Variants in SOS2 observed in about 807,000 individuals in gnomAD.
SOS2 encodes the protein SOS Ras/Rho guanine nucleotide exchange factor 2, also known as son of sevenless homolog 2.
A neutral mutation model predicts 148.2 loss-of-function variants in SOS2; 65 were observed. That is an observed-to-expected ratio of 0.44 (90% CI 0.36 to 0.54). SOS2 has a LOEUF of 0.54. Among genes scored for constraint, SOS2 ranks in the 20% least tolerant of loss-of-function variants. The pLI, the probability that SOS2 is intolerant of heterozygous loss-of-function variation, is 0.00. For synonymous variants in SOS2, 539 were observed against 537.1 expected, an observed-to-expected ratio of 1.00 and a Z score of -0.05; for missense variants, 1,341 against 1,590.2, an observed-to-expected ratio of 0.84 and a Z score of 2.67.
At position 50,118,136 on chromosome 14, in the gene SOS2, CAA is replaced by C; in HGVS notation, c.*206_*207del. The C allele has an allele frequency of 1.9e-6, 1 of 528,632 alleles. No individual in the cohort carries two copies. The highest frequency in any genetic ancestry group is 2.8e-5 in the South Asian group (1 of 35,682). 32.7% of individuals were successfully genotyped at this position (528,632 alleles called of 1,614,324 possible). A position where few individuals can be genotyped will look rare whatever the true frequency, so the allele number is the denominator to read the frequency against. On this transcript the variant is annotated 3_prime_UTR_variant, in exon 23 of 23. Transcript: ENST00000216373. ...TTTTGGCAGCACTGAGGATCCAAGA[CAA>C]GGCAATGCTACTGATCACCTGAGGA...
chr14:50,178,647 A>AGG (rs2139692186), intron 7 of SOS2, among the ~76,000 whole-genome samples: 2 of 89,240 alleles, frequency 2.2e-5, no homozygotes, highest in South Asian at 8.5e-4. Context: ...CATGCCCGCT[A>AGG]GTGTGTGTGT....
intron 4 of SOS2, among the ~76,000 whole-genome samples, chr14:50,191,801 G>C (rs1886148868): frequency 6.6e-6 from 1 of 152,062 alleles, no homozygotes; most frequent in African/African-American, 2.4e-5. Flanking sequence ...TGAAAAGTCT[G>C]GGATTTACAT....
intron 8 of SOS2, among the ~76,000 whole-genome samples, chr14:50,173,256 C>T (rs978590026): frequency 2.6e-5 from 4 of 152,004 alleles, no homozygotes; most frequent in African/African-American, 9.7e-5. Flanking sequence ...TCCGTCTAAT[C>T]CATGGTAGTA....
At chr14:50,210,111 G>A (rs1003829999) in intron 1 of SOS2, among the ~76,000 whole-genome samples, 58 of 152,254 alleles carry the variant, frequency 3.8e-4, no homozygotes, top group African/African-American at 1.4e-3. Context: ...TGTCTGTAAG[G>A]AAGTACAAGG....
rs183471262 is a variant in SOS2 at position 50,203,798 on chromosome 14, T to G, written c.213+486A>C. On this transcript the variant is annotated intron_variant, in intron 2 of 22. Transcript: ENST00000216373. The stretch of plus-strand genomic sequence containing the variant: ...CAACTGACATAGAGAACATTTTTTT[T>G]TTGTTTTTTTTTTTTGAGACGGTCT... Among the ~76,000 whole-genome samples, 288 of 151,890 alleles carry G rather than the reference T, an allele frequency of 1.9e-3. 1 individual carries two copies. Among genetic ancestry groups the G allele is most frequent in the African/African-American group, 6.2e-3 (255 of 41,432 alleles).
At chr14:50,207,140 AT>A (rs1307344849) in intron 1 of SOS2, among the ~76,000 whole-genome samples, 1 of 152,286 alleles carries the variant, frequency 6.6e-6, no homozygotes, top group South Asian at 2.1e-4. Flanking sequence ...CATTTAGAAA[AT>A]TTTTTTTAAA....
chr14:50,147,544 C>T (rs1390457352), intron 14 of SOS2, among the ~76,000 whole-genome samples: 1 of 135,722 alleles, frequency 7.4e-6, no homozygotes, highest in Non-Finnish European at 1.6e-5. Context: ...AAGTGTACAA[C>T]AATGCTATAC....
intron 1 of SOS2, among the ~76,000 whole-genome samples, chr14:50,223,145 G>A (rs1259394149): frequency 6.6e-6 from 1 of 152,332 alleles, no homozygotes; most frequent in East Asian, 1.9e-4. Flanking sequence ...GAAGGATGGA[G>A]TAGCCATTTA....
intron 1 of SOS2, among the ~76,000 whole-genome samples, chr14:50,207,446 G>C (rs1886697613): frequency 6.6e-6 from 1 of 152,056 alleles, no homozygotes; most frequent in African/African-American, 2.4e-5. Context: ...AGAAGGTCAA[G>C]GCTACAGTGA....
In SOS2 at chr14:50,134,156, A is replaced by T. The variant is rs1447097552; in HGVS notation, c.3042T>A (p.Ile1014=). ...TDYLFNKSLE[I]EPRNCKQPPR... Reference sequence around the variant, plus strand: ...GTGGCTGTTTGCAGTTTCGAGGTTCAATTTCTAGTGACTTGTTGAACAAAT... The same window carrying T: ...GTGGCTGTTTGCAGTTTCGAGGTTCTATTTCTAGTGACTTGTTGAACAAAT... Residue 1014 remains isoleucine, a synonymous_variant, in exon 19 of 23, where the codon ATT becomes ATA. Transcript: ENST00000216373. The T allele has an allele frequency of 1.9e-6, 3 of 1,603,636 alleles. No individual in the cohort carries two copies. The African/African-American group carries it at 4.0e-5, about 21-fold the overall frequency.
chr14:50,150,158 C>G lies in SOS2; in HGVS notation c.2234G>C (p.Gly745Ala). Residue 745 changes from glycine (G) to alanine (A), a missense_variant, in exon 14 of 23, where the codon GGA becomes GCA. Physicochemically the swap from Gly to Ala is moderately conservative, Grantham distance 60. Around this residue, in one of 4 missense-constraint regions of SOS2, gnomAD observed 408 missense variants for 506.6 expected, o/e 0.81. Transcript: ENST00000216373. Reference protein sequence around the residue: ...IRRKKQAQANGVSHNITFESP... With the variant: ...IRRKKQAQANAVSHNITFESP... Reference sequence around the variant, plus strand: ...TTCAAAGGTAATATTATGGCTTACTCCGTTTGCCTGAGCTTGCTTCTTCCT... The same window carrying G: ...TTCAAAGGTAATATTATGGCTTACTGCGTTTGCCTGAGCTTGCTTCTTCCT... 6.2e-7 allele frequency: 1 copy of G among 1,613,404 alleles called. No homozygotes were observed. Among genetic ancestry groups the G allele is most frequent in the Non-Finnish European group, 8.5e-7 (1 of 1,179,358 alleles).
chr14:50,140,189 G>T (rs1475510222), intron 16 of SOS2, 130 bp from the exon 17 acceptor site: 2 of 553,264 alleles, frequency 3.6e-6, no homozygotes, highest in Non-Finnish European at 6.5e-6. Context: ...AAGATGAGTG[G>T]TATTCCTTTG....
At chr14:50,214,080 TTG>T (rs1170671580) in intron 1 of SOS2, among the ~76,000 whole-genome samples, 1 of 147,070 alleles carries the variant, frequency 6.8e-6, no homozygotes, top group Non-Finnish European at 1.5e-5. Context: ...ACAGAAAATT[TTG>T]TGTTTAAGGG....
At chr14:50,175,468 A>C (rs1885494800) in intron 7 of SOS2, among the ~76,000 whole-genome samples, 1 of 137,484 alleles carries the variant, frequency 7.3e-6, no homozygotes, top group Admixed American at 7.7e-5. Context: ...GGTGCCCTAG[A>C]GGTTTTTACA....
At chr14:50,229,876 C>CT (rs1432565012) in intron 1 of SOS2, among the ~76,000 whole-genome samples, 3 of 152,192 alleles carry the variant, frequency 2.0e-5, no homozygotes, top group Admixed American at 1.3e-4. Flanking sequence ...TCCCCCTTTG[C>CT]TTTTAATTCA....
intron 1 of SOS2, among the ~76,000 whole-genome samples, chr14:50,224,293 GA>G (rs112000335): frequency 0.37 from 31,934 of 86,828 alleles, 6,613 homozygotes; most frequent in Non-Finnish European, 0.44. Context: ...TCCGTCTCAG[GA>G]AAAAAAAAAA....
intron 1 of SOS2, among the ~76,000 whole-genome samples, chr14:50,227,475 C>T (rs752346451): frequency 1.6e-4 from 24 of 151,298 alleles, no homozygotes; most frequent in Non-Finnish European, 2.5e-4. Flanking sequence ...TGCAGTGGCG[C>T]GATCTCGGCT....
intron 8 of SOS2, among the ~76,000 whole-genome samples, chr14:50,168,678 T>C (rs572163131): frequency 2.6e-5 from 4 of 152,278 alleles, no homozygotes; most frequent in African/African-American, 9.6e-5. Context: ...TAGAATGCCG[T>C]TTCGTGATAC....
chr14:50,160,203 C>T, intron 9 of SOS2, 117 bp from the exon 10 acceptor site: 3 of 761,004 alleles, frequency 3.9e-6, no homozygotes, highest in Non-Finnish European at 2.0e-6. Flanking sequence ...AGCTTTTACG[C>T]ACAGCATTTA....
Sources: allele counts gnomAD v4.1 joint callset (sites outside exome capture counted in the v4.1 genomes callset), GRCh38; gene constraint gnomAD v4.1.1; regional missense constraint gnomAD v4.1.1; transcripts MANE v1.5; gene names NCBI Gene and HGNC (gene_info 2026-07-23, HGNC 2026-07-21).